Variants in TUSC3 observed in about 807,000 individuals in gnomAD.
TUSC3 encodes the protein dolichyl-diphosphooligosaccharide--protein glycosyltransferase subunit TUSC3.
Under a neutral mutation model 44.8 loss-of-function variants are expected in TUSC3, and 45 were observed. The observed-to-expected ratio is 1.00, with a 90% CI of 0.79 to 1.29. The LOEUF is 1.29. TUSC3 is among the 50% of genes most tolerant of loss of function. The pLI, the probability that TUSC3 is intolerant of heterozygous loss-of-function variation, is 0.00. For synonymous variants in TUSC3, 212 were observed against 152.9 expected, an observed-to-expected ratio of 1.39 and a Z score of -2.85; for missense variants, 519 against 437.9, an observed-to-expected ratio of 1.19 and a Z score of -1.65.
intron 2 of TUSC3, among the ~76,000 whole-genome samples, chr8:15,491,889 C>T (rs1331114410): frequency 4.6e-5 from 7 of 152,288 alleles, no homozygotes; most frequent in Non-Finnish European, 4.4e-5. Context: ...TTAATGCATT[C>T]GCTGTTCCAC....
the TUSC3 span, among the ~76,000 whole-genome samples, chr8:15,793,973 G>C: frequency 1.3e-5 from 2 of 152,146 alleles, no homozygotes; most frequent in African/African-American, 2.4e-5. Flanking sequence ...AGAGAAGAGC[G>C]CTCCAAGATT....
At chr8:15,823,023 T>C in the TUSC3 span, among the ~76,000 whole-genome samples, 1 of 152,188 alleles carries the variant, frequency 6.6e-6, no homozygotes, top group Non-Finnish European at 1.5e-5. Flanking sequence ...TCAAAGATTT[T>C]TTTCTTTTCT....
chr8:15,840,487 G>A, the TUSC3 span, among the ~76,000 whole-genome samples: 1 of 152,110 alleles, frequency 6.6e-6, no homozygotes, highest in African/African-American at 2.4e-5. Flanking sequence ...CCAAGTCTAG[G>A]AGTAAAGAGC....
At chr8:15,534,864 G>A (rs1801501760) in intron 2 of TUSC3, among the ~76,000 whole-genome samples, 1 of 152,140 alleles carries the variant, frequency 6.6e-6, no homozygotes, top group Non-Finnish European at 1.5e-5. Context: ...CTCAGTGTTT[G>A]GCTTACTTGA....
rs117499965 is a variant in TUSC3, at chr8:15,566,424, T to C, written c.138+25856T>C. ...TAGGATTATTTTGAACATGTGCTATTGTTACCATTTTAAGATGAGGGGGCC... is the reference window on the plus strand; with the variant it reads ...TAGGATTATTTTGAACATGTGCTATCGTTACCATTTTAAGATGAGGGGGCC... On this transcript the variant is annotated intron_variant, in intron 1 of 10. Coordinates refer to ENST00000503731, the MANE Select transcript of TUSC3 (RefSeq NM_006765.4). 7.2e-5 allele frequency among the ~76,000 whole-genome samples: 11 copies of C among 152,274 alleles called. No homozygotes were observed. The East Asian group carries it at 1.9e-3, about 27-fold the overall frequency.
intron 1 of TUSC3, among the ~76,000 whole-genome samples, chr8:15,618,755 G>C (rs775574653): frequency 7.9e-5 from 12 of 152,168 alleles, no homozygotes; most frequent in Non-Finnish European, 1.5e-4. Flanking sequence ...ATACGTAATT[G>C]CATGTGCTGT....
intron 1 of TUSC3, among the ~76,000 whole-genome samples, chr8:15,442,319 G>C (rs575305461): frequency 3.4e-5 from 5 of 148,844 alleles, no homozygotes; most frequent in Non-Finnish European, 7.5e-5. Context: ...AAAGTGACTT[G>C]AGGAAGTATT....
chr8:15,419,159 A>G (rs1585779903), intron 1 of TUSC3, among the ~76,000 whole-genome samples: 1 of 152,226 alleles, frequency 6.6e-6, no homozygotes, highest in Admixed American at 6.5e-5. Context: ...CTCTGCGAAT[A>G]AAGAACCTGA....
intron 8 of TUSC3, among the ~76,000 whole-genome samples, chr8:15,746,230 C>T (rs1167041551): frequency 6.6e-6 from 1 of 151,934 alleles, no homozygotes; most frequent in Non-Finnish European, 1.5e-5. Context: ...CAATATGATA[C>T]TCAATTTATT....
At chr8:15,540,736 G>C (rs28378376) in intron 1 of TUSC3, among the ~76,000 whole-genome samples, 168 bp downstream of exon 1, 2 of 151,960 alleles carry the variant, frequency 1.3e-5, no homozygotes, top group African/African-American at 4.8e-5. Context: ...TTTCCGGGAC[G>C]TGGAGTTAGC....
intron 2 of TUSC3, among the ~76,000 whole-genome samples, chr8:15,633,822 G>GT (rs552810315): frequency 1.6e-4 from 25 of 152,050 alleles, no homozygotes; most frequent in Middle Eastern, 3.4e-3. Flanking sequence ...GAACTATGAG[G>GT]TTTTTTTTGT....
At chr8:15,755,715 A>G (rs1811900410) in intron 9 of TUSC3, among the ~76,000 whole-genome samples, 1 of 151,930 alleles carries the variant, frequency 6.6e-6, no homozygotes. Flanking sequence ...GGCCATTACT[A>G]AAGGTGATTT....
chr8:15,808,471 A>G, the TUSC3 span, among the ~76,000 whole-genome samples: 1 of 152,154 alleles, frequency 6.6e-6, no homozygotes. Context: ...AAGGGGTTAG[A>G]AAAGTTCTCT....
intron 9 of TUSC3, among the ~76,000 whole-genome samples, chr8:15,752,547 G>GAACATC (rs1811752269): frequency 6.6e-6 from 1 of 152,022 alleles, no homozygotes; most frequent in African/African-American, 2.4e-5. Context: ...ATTTTTTCCA[G>GAACATC]AACATCATAG....
intron 2 of TUSC3, among the ~76,000 whole-genome samples, chr8:15,502,399 C>A (rs998919841): frequency 3.9e-5 from 6 of 152,354 alleles, no homozygotes; most frequent in African/African-American, 1.4e-4. Flanking sequence ...TGCCATCCTT[C>A]TGCAACCATC....
chr8:15,499,820 A>G (rs755692653), intron 2 of TUSC3, among the ~76,000 whole-genome samples: 4 of 152,114 alleles, frequency 2.6e-5, no homozygotes, highest in Non-Finnish European at 5.9e-5. Flanking sequence ...TCAACTGTAG[A>G]TTCTAAGACT....
chr8:15,791,717 T>C, the TUSC3 span, among the ~76,000 whole-genome samples: 4 of 152,110 alleles, frequency 2.6e-5, no homozygotes, highest in South Asian at 2.1e-4. Context: ...AGAAACTTCA[T>C]TTAAGCTCTG....
At chr8:15,748,945 G>A (rs1228144537) in intron 9 of TUSC3, 2 of 352,646 alleles carry the variant, frequency 5.7e-6, no homozygotes, top group Non-Finnish European at 1.1e-5. Context: ...ATCATAACGA[G>A]TATCTCATAA....
chr8:15,845,564 T>A, the TUSC3 span, among the ~76,000 whole-genome samples: 1 of 152,192 alleles, frequency 6.6e-6, no homozygotes, highest in Non-Finnish European at 1.5e-5. Flanking sequence ...CAGTTTAATA[T>A]TTTGGTCACA....
Sources: allele counts gnomAD v4.1 joint callset (sites outside exome capture counted in the v4.1 genomes callset), GRCh38; gene constraint gnomAD v4.1.1; transcripts MANE v1.5; gene names NCBI Gene and HGNC (gene_info 2026-07-23, HGNC 2026-07-21).